Variants in ASH1L observed in about 807,000 individuals in gnomAD.
The protein encoded by ASH1L is ASH1 like histone lysine methyltransferase.
Under a neutral mutation model 269.0 loss-of-function variants are expected in ASH1L, and 23 were observed. The observed-to-expected ratio is 0.09, with a 90% CI of 0.06 to 0.12. The LOEUF is 0.12. ASH1L is among the 10% of genes least tolerant of loss of function. ASH1L has a pLI of 1.00. For synonymous variants in ASH1L, 1,187 were observed against 1,253.5 expected, an observed-to-expected ratio of 0.95 and a Z score of 1.12; for missense variants, 2,912 against 3,567.8, an observed-to-expected ratio of 0.82 and a Z score of 4.68.
chr1:155,493,177 G>A (rs184033566), intron 2 of ASH1L, among the ~76,000 whole-genome samples: 209 of 152,208 alleles, frequency 1.4e-3, no homozygotes, highest in South Asian at 3.1e-3. Context: ...TTACAGAATT[G>A]TGCAAATATC....
intron 5 of ASH1L, among the ~76,000 whole-genome samples, chr1:155,426,448 G>A (rs899827860): frequency 3.3e-5 from 5 of 151,938 alleles, no homozygotes; most frequent in Non-Finnish European, 7.4e-5. Flanking sequence ...TGATCCGACC[G>A]CCTCGGCCTC....
Position 155,343,498 on chromosome 1 carries a change from GA to G in ASH1L, c.8121-13del. 6.2e-7 allele frequency: 1 copy of G among 1,613,470 alleles called. No homozygotes were observed. Among genetic ancestry groups the G allele is most frequent in the African/African-American group, 1.3e-5 (1 of 75,052 alleles). ...CAAACCGTTCCTCTCTAAAACAATGGAAAAGTGAGAAGGGAGAGGTTTAGCT... is the reference window on the plus strand; with the variant it reads ...CAAACCGTTCCTCTCTAAAACAATGGAAAGTGAGAAGGGAGAGGTTTAGCT... On this transcript the variant is annotated splice_polypyrimidine_tract_variant and intron_variant, in intron 23 of 27. Coordinates refer to ENST00000392403, the MANE Select transcript of ASH1L (RefSeq NM_018489.3). The surrounding 1 kb of genome is among the most constrained non-coding windows in gnomAD (Gnocchi z 6.1).
intron 4 of ASH1L, among the ~76,000 whole-genome samples, chr1:155,446,770 C>G (rs1422218095): frequency 2.6e-5 from 4 of 151,796 alleles, no homozygotes; most frequent in African/African-American, 9.7e-5. Flanking sequence ...TTCAGGCGCC[C>G]GCCACCGCGC....
At chr1:155,434,088 C>T (rs185837463) in intron 5 of ASH1L, 3 of 1,592,330 alleles carry the variant, frequency 1.9e-6, no homozygotes, top group East Asian at 4.5e-5. Context: ...GCTGCTGGGT[C>T]TCCTTTCTCA....
intron 5 of ASH1L, among the ~76,000 whole-genome samples, chr1:155,427,339 C>T (rs575192841): frequency 6.6e-6 from 1 of 151,404 alleles, no homozygotes; most frequent in Admixed American, 6.6e-5. Flanking sequence ...TGGAGTCCCG[C>T]TCTTGTTGCC....
chr1:155,543,509 CAAA>C (rs34813767), intron 1 of ASH1L, among the ~76,000 whole-genome samples: 15 of 57,430 alleles, frequency 2.6e-4, no homozygotes, highest in Admixed American at 3.9e-4. Flanking sequence ...GACTCTGTCT[CAAA>C]AAAAAAAAAA....
In ASH1L at chr1:155,479,768, G is replaced by A. The variant is rs1208513521; in HGVS notation, c.3102C>T (p.Gly1034=). Residue 1034 remains glycine (G), a synonymous_variant, in exon 3 of 28, where the codon GGC becomes GGT. Coordinates refer to ENST00000392403, the MANE Select transcript of ASH1L (RefSeq NM_018489.3). ...SLAATFGSKL[G]QQINVSKKGT... ...CTTTCTTGCTGACATTTATCTGTTG[G>A]CCCAATTTAGAGCCAAATGTGGCAG... 6.2e-7 allele frequency: 1 copy of A among 1,614,016 alleles called. No individual in the cohort carries two copies. Among genetic ancestry groups the A allele is most frequent in the South Asian group, 1.1e-5 (1 of 91,080 alleles).
At chr1:155,455,952 A>C (rs1663833564) in intron 4 of ASH1L, among the ~76,000 whole-genome samples, 1 of 152,106 alleles carries the variant, frequency 6.6e-6, no homozygotes, top group Admixed American at 6.6e-5. Flanking sequence ...GTACATTGTT[A>C]AGTGTCACCT....
At chr1:155,494,637 AACG>A (rs1174854026) in intron 2 of ASH1L, among the ~76,000 whole-genome samples, 2 of 152,232 alleles carry the variant, frequency 1.3e-5, no homozygotes, top group Non-Finnish European at 2.9e-5. Flanking sequence ...ACATTTTAGT[AACG>A]ACAGAAGTGA....
intron 2 of ASH1L, among the ~76,000 whole-genome samples, chr1:155,492,239 G>C (rs947671360): frequency 6.7e-6 from 1 of 149,496 alleles, no homozygotes; most frequent in Non-Finnish European, 1.5e-5. Context: ...GTAGAGACAG[G>C]GTTTCTCCAC....
At chr1:155,547,906 G>A (rs943955656) in intron 1 of ASH1L, among the ~76,000 whole-genome samples, 4 of 152,176 alleles carry the variant, frequency 2.6e-5, no homozygotes, top group Non-Finnish European at 5.9e-5. Context: ...AACCCGGAAG[G>A]TGGATCTTGC....
At chr1:155,344,352 A>C (rs1653053136) in intron 21 of ASH1L, 79 bp from the exon 22 acceptor site, 196 of 1,078,400 alleles carry the variant, frequency 1.8e-4, no homozygotes, top group Non-Finnish European at 2.4e-4. Flanking sequence ...TAGAATTCTC[A>C]ATCAAAACTT....
chr1:155,536,705 C>A (rs1670081545), intron 1 of ASH1L, among the ~76,000 whole-genome samples: 1 of 151,930 alleles, frequency 6.6e-6, no homozygotes, highest in Non-Finnish European at 1.5e-5. Context: ...TGCACTCCAG[C>A]CTGGGTGACA....
rs41313924 is a variant in ASH1L at position 155,479,761 on chromosome 1, T to C, written c.3109A>G (p.Ile1037Val). The C allele has an allele frequency of 6.2e-7, 1 of 1,614,198 alleles. No individual in the cohort carries two copies. Among genetic ancestry groups the C allele is most frequent in the Non-Finnish European group, 8.5e-7 (1 of 1,180,022 alleles). ...ATFGSKLGQQ[I>V]NVSKKGTIYI... ...ATGGTTCCTTTCTTGCTGACATTTA[T>C]CTGTTGGCCCAATTTAGAGCCAAAT... Residue 1037 changes from isoleucine to valine, a missense_variant, in exon 3 of 28, where the codon ATA (isoleucine) becomes GTA (valine). Physicochemically the swap from Ile to Val is conservative, Grantham distance 29. Coordinates refer to ENST00000392403, the MANE Select transcript of ASH1L (RefSeq NM_018489.3).
At chr1:155,426,492 C>T (rs958624381) in intron 5 of ASH1L, among the ~76,000 whole-genome samples, 12 of 152,206 alleles carry the variant, frequency 7.9e-5, no homozygotes, top group South Asian at 2.1e-4. Context: ...TGAGACACCG[C>T]GCCTGGCCCA....
intron 4 of ASH1L, among the ~76,000 whole-genome samples, chr1:155,444,815 C>T (rs1319172810): frequency 7.0e-6 from 1 of 143,016 alleles, no homozygotes; most frequent in Non-Finnish European, 1.5e-5. Context: ...GACGGGGTTT[C>T]ACCGTTTTAG....
chr1:155,344,139 G>T, intron 22 of ASH1L, 44 bp downstream of exon 22: 1 of 1,551,550 alleles, frequency 6.4e-7, no homozygotes, highest in Non-Finnish European at 8.9e-7. Context: ...CTACTATTCA[G>T]AAAGGTCACC....
At chr1:155,439,291 C>G (rs1662354334) in intron 4 of ASH1L, among the ~76,000 whole-genome samples, 1 of 152,034 alleles carries the variant, frequency 6.6e-6, no homozygotes, top group African/African-American at 2.4e-5. Context: ...AAGAACAACT[C>G]TCACTTTGAG....
At chr1:155,503,449 A>G (rs780554136) in intron 2 of ASH1L, among the ~76,000 whole-genome samples, 1 of 152,216 alleles carries the variant, frequency 6.6e-6, no homozygotes, top group Non-Finnish European at 1.5e-5. Flanking sequence ...ATACATAGTA[A>G]ATTAGGACTT....
Sources: allele counts gnomAD v4.1 joint callset (sites outside exome capture counted in the v4.1 genomes callset), GRCh38; gene constraint gnomAD v4.1.1; non-coding constraint Gnocchi (gnomAD v3.1); transcripts MANE v1.5; gene names NCBI Gene and HGNC (gene_info 2026-07-23, HGNC 2026-07-21).